Variants in MROH7 observed in about 807,000 individuals in gnomAD.
MROH7 encodes the protein maestro heat like repeat family member 7.
MROH7 carries 113 observed loss-of-function variants against 129.2 expected under a neutral mutation model. The ratio of observed to expected loss-of-function variants is 0.87; its 90% CI spans 0.75 to 1.02. MROH7 has a LOEUF of 1.02. Among genes scored for constraint, MROH7 ranks in the 50% least tolerant of loss-of-function variants. MROH7 has a pLI of 0.00. For synonymous variants in MROH7, 655 were observed against 667.9 expected (o/e 0.98, Z 0.30); for missense variants, 1,601 against 1,671.3 (o/e 0.96, Z 0.73).
rs1198613891 is a variant in MROH7, at chr1:54,674,946, T to C, written c.1936+795T>C. 2.0e-5 allele frequency among the ~76,000 whole-genome samples: 3 copies of C among 152,312 alleles called. No homozygotes were observed. The East Asian group carries it at 5.8e-4, about 29-fold the overall frequency. ...TTGTGTAGGCCTAGATTTCCTCATC[T>C]GTGAAAATGGTATACTCAGATATAA... On this transcript the variant is annotated intron_variant, in intron 10 of 23. Coordinates refer to ENST00000421030, the MANE Select transcript of MROH7 (RefSeq NM_001039464.4).
Position 54,709,940 on chromosome 1 carries a change from A to C in MROH7, c.3731-6A>C, listed in dbSNP as rs772842127. 13 of 1,608,530 alleles carry C rather than the reference A, an allele frequency of 8.1e-6. No individual in the cohort carries two copies. The South Asian group carries it at 1.4e-4, about 18-fold the overall frequency. On this transcript the variant is annotated splice_region_variant and splice_polypyrimidine_tract_variant and intron_variant, in intron 23 of 23. Transcript: ENST00000421030. The stretch of plus-strand genomic sequence containing the variant: ...ATAGGAGGCTTCTCCCTTCCCCATG[A>C]CGCAGCTCTGGATAACTTGAGACAT...
intron 4 of MROH7, among the ~76,000 whole-genome samples, chr1:54,665,966 G>T (rs1476401715): frequency 6.6e-6 from 1 of 152,224 alleles, no homozygotes; most frequent in Non-Finnish European, 1.5e-5. Context: ...TCATCCCATG[G>T]CGTCCTTCTA....
chr1:54,667,741 C>T (rs1644834544), intron 4 of MROH7, among the ~76,000 whole-genome samples: 1 of 151,434 alleles, frequency 6.6e-6, no homozygotes, highest in Non-Finnish European at 1.5e-5. Context: ...CAGGCATGAG[C>T]CACTATGCCC....
chr1:54,665,624 C>T (rs1168154073), intron 4 of MROH7: 2 of 170,150 alleles, frequency 1.2e-5, no homozygotes, highest in African/African-American at 4.8e-5. Context: ...TCAGGCCCAA[C>T]CCAGGTCTGG....
intron 14 of MROH7, among the ~76,000 whole-genome samples, chr1:54,684,498 T>A (rs911356419): frequency 5.9e-5 from 9 of 152,278 alleles, no homozygotes; most frequent in African/African-American, 2.2e-4. Flanking sequence ...TTGTGCTTCT[T>A]GTCCAGCAAG....
chr1:54,682,844 C>G (rs775426538), intron 14 of MROH7, 50 bp downstream of exon 14: 3 of 1,582,816 alleles, frequency 1.9e-6, no homozygotes, highest in Non-Finnish European at 2.6e-6. Flanking sequence ...TGCCCTTCCT[C>G]TCTCCTTCCC....
intron 1 of MROH7, among the ~76,000 whole-genome samples, chr1:54,642,310 C>T (rs1207147237): frequency 6.6e-6 from 1 of 152,160 alleles, no homozygotes; most frequent in Non-Finnish European, 1.5e-5. Context: ...GTCATGAGGG[C>T]ATCTGTCCAG....
chr1:54,684,451 C>T (rs1366242922), intron 14 of MROH7, among the ~76,000 whole-genome samples: 1 of 152,268 alleles, frequency 6.6e-6, no homozygotes, highest in Non-Finnish European at 1.5e-5. Context: ...TCCTCTTCTA[C>T]AATTGGTGTA....
At chr1:54,670,683 C>CCCCCCCGG in intron 6 of MROH7, 107 bp downstream of exon 6, 1 of 1,314,946 alleles carries the variant, frequency 7.6e-7, no homozygotes, top group Non-Finnish European at 1.0e-6. Flanking sequence ...CCCCACCCCT[C>CCCCCCCGG]GCCCGGTGCC....
Position 54,653,231 on chromosome 1 carries a change from G to A in MROH7, c.305G>A (p.Gly102Asp), listed in dbSNP as rs751192948. Residue 102 changes from glycine (G) to aspartate (D), a missense_variant, in exon 3 of 24, where the codon GGT (glycine) becomes GAT (aspartate). Physicochemically the swap from Gly to Asp is moderately conservative, Grantham distance 94. Transcript: ENST00000421030. ...CTCCAGATCACCAGTTCTTGTTCTG[G>A]TGAAGCCCTGGACCTGGATTCCAAG... ...ASLQITSSCS[G>D]EALDLDSKDV... is the part of the protein sequence containing the mutation. The A allele has an allele frequency of 9.9e-6, 16 of 1,614,184 alleles. No homozygotes were observed. Among genetic ancestry groups the A allele is most frequent in the Non-Finnish European group, 1.4e-5 (16 of 1,180,034 alleles).
chr1:54,654,011 A>G lies in MROH7; in HGVS notation c.1085A>G (p.Asp362Gly). Residue 362 changes from aspartate to glycine, a missense_variant, in exon 3 of 24, where the codon GAC becomes GGC. By Grantham distance (94) the Asp-to-Gly change is moderately conservative. Coordinates refer to ENST00000421030, the MANE Select transcript of MROH7 (RefSeq NM_001039464.4). The stretch of plus-strand genomic sequence containing the variant: ...AGCAGTCAGCAGGATGATGCCAAGG[A>G]CAACAGCATCCACACTGTGCCCCTG... ...TLSSQQDDAK[D>G]NSIHTVPLEE... 6.2e-7 allele frequency: 1 copy of G among 1,614,236 alleles called. No individual in the cohort carries two copies. The highest frequency in any genetic ancestry group is 1.3e-5 in the African/African-American group (1 of 75,074).
chr1:54,645,571 G>A (rs549784367), intron 1 of MROH7, among the ~76,000 whole-genome samples: 11 of 151,684 alleles, frequency 7.3e-5, no homozygotes, highest in South Asian at 2.1e-4. Context: ...GTGAGCCACC[G>A]TGTTAAGGTT....
Position 54,673,116 on chromosome 1 carries a change from C to G in MROH7, c.1625C>G (p.Ala542Gly). 1 of 1,613,836 alleles carries G rather than the reference C, an allele frequency of 6.2e-7. No homozygotes were observed. Among genetic ancestry groups the G allele is most frequent in the Non-Finnish European group, 8.5e-7 (1 of 1,179,840 alleles). ...GCTCTTTACCATCAGACCCTGGAGG[C>G]CCTGCAGACACTGCTCAAAGCCCTC... ...IQALYHQTLE[A>G]LQTLLKALFI... is the part of the protein sequence containing the mutation. The change falls in exon 8 of 24, where the codon GCC becomes GGC. Residue 542 changes from alanine (A) to glycine (G), a missense_variant. Physicochemically the swap from Ala to Gly is moderately conservative, Grantham distance 60 (BLOSUM62 0). Transcript: ENST00000421030.
At chr1:54,680,160 C>T (rs926636257) in intron 13 of MROH7, 115 bp downstream of exon 13, 5 of 911,142 alleles carry the variant, frequency 5.5e-6, no homozygotes, top group Non-Finnish European at 8.6e-6. Flanking sequence ...AGATGGCCCC[C>T]CTTCTGTGAT....
intron 3 of MROH7, among the ~76,000 whole-genome samples, chr1:54,656,551 G>A (rs1437552491): frequency 9.7e-5 from 14 of 144,308 alleles, no homozygotes; most frequent in Non-Finnish European, 2.0e-4. Context: ...GGCTGGGCGC[G>A]GTGGCTCATG....
At chr1:54,697,747 G>A in intron 17 of MROH7, 1 of 695,344 alleles carries the variant, frequency 1.4e-6, no homozygotes, top group East Asian at 2.7e-5. Flanking sequence ...GAGAGATTCA[G>A]AACAGGCCTG....
chr1:54,695,539 G>C (rs376810175), intron 17 of MROH7, 49 bp downstream of exon 17: 21 of 1,186,688 alleles, frequency 1.8e-5, no homozygotes, highest in Non-Finnish European at 3.7e-6. Context: ...CCCGGGCCTC[G>C]GTTCACGTCA....
chr1:54,666,593 C>A (rs1474602330), intron 4 of MROH7, among the ~76,000 whole-genome samples: 1 of 124,750 alleles, frequency 8.0e-6, no homozygotes, highest in Non-Finnish European at 1.6e-5. Flanking sequence ...AGCCTCTGTG[C>A]CCGGCCCTGG....
chr1:54,653,178 T>A lies in MROH7; in HGVS notation c.252T>A (p.Asp84Glu). ...GLVSENTPRP[D>E]DSRAIAPASL... ...TGTCTGAAAACACCCCCAGACCTGA[T>A]GACAGCAGAGCTATCGCTCCAGCCT... The change falls in exon 3 of 24, where the codon GAT (aspartate) becomes GAA (glutamate). Residue 84 changes from aspartate to glutamate, a missense_variant. Transcript: ENST00000421030. 1 of 1,614,208 alleles carries A rather than the reference T, an allele frequency of 6.2e-7. No homozygotes were observed. Among genetic ancestry groups the A allele is most frequent in the African/African-American group, 1.3e-5 (1 of 75,062 alleles).
Sources: allele counts gnomAD v4.1 joint callset (sites outside exome capture counted in the v4.1 genomes callset), GRCh38; gene constraint gnomAD v4.1.1; transcripts MANE v1.5; gene names NCBI Gene and HGNC (gene_info 2026-07-23, HGNC 2026-07-21).